SCYL2: variants seen among roughly 807,000 people sequenced by gnomAD.
The protein encoded by SCYL2 is SCY1 like pseudokinase 2.
Under a neutral mutation model 100.4 loss-of-function variants are expected in SCYL2, and 36 were observed. That is an observed-to-expected ratio of 0.36 (90% CI 0.27 to 0.47). SCYL2 has a LOEUF of 0.47. Among genes scored for constraint, SCYL2 ranks in the 20% least tolerant of loss-of-function variants. The probability of loss-of-function intolerance (pLI) is 1.00; values close to 1 mark genes in which losing one functional copy is unlikely to be tolerated. For missense variants in SCYL2, 902 were observed against 1,083.9 expected (o/e 0.83, Z 2.36); for synonymous variants, 330 against 359.2 (o/e 0.92, Z 0.92).
intron 1 of SCYL2, among the ~76,000 whole-genome samples, chr12:100,274,729 G>A: frequency 6.6e-6 from 1 of 152,204 alleles, no homozygotes; most frequent in East Asian, 1.9e-4. Flanking sequence ...GAACAAAGAA[G>A]TGGTTAAGGA....
Position 100,314,415 on chromosome 12 carries a change from T to G in SCYL2, c.970-74T>G, listed in dbSNP as rs2096346006. 2.7e-6 allele frequency: 3 copies of G among 1,095,228 alleles called. No homozygotes were observed. In the East Asian group the frequency reaches 7.9e-5, roughly 29 times the overall value. 67.8% of individuals were successfully genotyped at this position (1,095,228 alleles called of 1,614,324 possible). A position where few individuals can be genotyped will look rare whatever the true frequency, so the allele number is the denominator to read the frequency against. On this transcript the variant is annotated intron_variant, in intron 7 of 17. Transcript: ENST00000360820. ...GTTTCTGAGTATTTTTTTTACCATA[T>G]TGTGACAGTTTCAGATATGAGAAGT...
chr12:100,336,625 A>G (rs1472637201), intron 16 of SCYL2, among the ~76,000 whole-genome samples: 4 of 152,134 alleles, frequency 2.6e-5, no homozygotes, highest in African/African-American at 7.2e-5. Context: ...CAGACCAACA[A>G]TATTTTAAAG....
intron 3 of SCYL2, among the ~76,000 whole-genome samples, chr12:100,293,599 G>A (rs1427390645): frequency 2.6e-5 from 4 of 151,590 alleles, no homozygotes; most frequent in Non-Finnish European, 5.9e-5. Context: ...AGGGTCATAG[G>A]ACAATAGTGG....
At chr12:100,291,418 A>C in intron 2 of SCYL2, 85 bp from the exon 3 acceptor site, 1 of 911,532 alleles carries the variant, frequency 1.1e-6, no homozygotes, top group South Asian at 2.1e-5. Flanking sequence ...TTTTTATGGC[A>C]TAGTTATTTG....
rs772848283 is a variant in SCYL2 at position 100,283,034 on chromosome 12, G to T, written c.64G>T (p.Ala22Ser). The change falls in exon 2 of 18, where the codon GCT becomes TCT. Residue 22 changes from alanine to serine, a missense_variant. Transcript: ENST00000360820. ...VTKVTADVTS[A>S]VMGNPVTREF... is the part of the protein sequence containing the mutation. ...AAAAGTAACAGCTGATGTCACTAGT[G>T]CTGTAATGGGAAATCCTGTCACTAG... The T allele has an allele frequency of 4.3e-6, 7 of 1,613,148 alleles. No individual in the cohort carries two copies. The highest frequency in any genetic ancestry group is 5.9e-6 in the Non-Finnish European group (7 of 1,179,328).
intron 3 of SCYL2, among the ~76,000 whole-genome samples, chr12:100,294,679 T>G (rs867328744): frequency 2.2e-5 from 2 of 91,024 alleles, no homozygotes; most frequent in South Asian, 4.3e-4. Context: ...CCGGACGGGG[T>G]GGCTGGCCGG....
intron 4 of SCYL2, among the ~76,000 whole-genome samples, chr12:100,306,675 G>T (rs191833993): frequency 1.3e-5 from 2 of 152,210 alleles, no homozygotes; most frequent in African/African-American, 4.8e-5. Context: ...TGAAATAAAG[G>T]GTATTCAGAT....
At chr12:100,308,771 C>G (rs2096338032) in intron 4 of SCYL2, among the ~76,000 whole-genome samples, 1 of 152,142 alleles carries the variant, frequency 6.6e-6, no homozygotes, top group Non-Finnish European at 1.5e-5. Context: ...CCAGTTCTGA[C>G]CTCTGTGATG....
intron 4 of SCYL2, among the ~76,000 whole-genome samples, chr12:100,305,698 C>A (rs921491164): frequency 8.7e-5 from 12 of 137,930 alleles, no homozygotes; most frequent in African/African-American, 1.6e-4. Context: ...AAAAATAAAT[C>A]AGTGAATCTA....
At position 100,269,327 on chromosome 12, in the gene SCYL2, C is replaced by CT. The variant is rs200596986; in HGVS notation, c.-29+1542dup. Among the ~76,000 whole-genome samples, 844 of 151,944 alleles carry CT rather than the reference C, an allele frequency of 5.6e-3. 8 individuals carry two copies. The highest frequency in any genetic ancestry group is 0.019 in the African/African-American group (769 of 41,418). The stretch of plus-strand genomic sequence containing the variant: ...CTCTGCTTGGAAATGCCCTTCCTTT[C>CT]TTTTTTTAGCCAATTATGCCTATTC... On this transcript the variant is annotated intron_variant, in intron 1 of 17. Transcript: ENST00000360820.
chr12:100,301,803 C>T (rs1364963130), intron 4 of SCYL2, among the ~76,000 whole-genome samples: 1 of 152,170 alleles, frequency 6.6e-6, no homozygotes, highest in Non-Finnish European at 1.5e-5. Context: ...GACAAAGTTC[C>T]CTTTGCTTTT....
intron 4 of SCYL2, among the ~76,000 whole-genome samples, chr12:100,308,915 C>T (rs903894671): frequency 1.3e-5 from 2 of 152,168 alleles, no homozygotes; most frequent in African/African-American, 2.4e-5. Context: ...AGTCACTACA[C>T]TGTCCCCCAA....
chr12:100,298,127 T>G lies in SCYL2; in HGVS notation c.432T>G (p.Ile144Met). 6.2e-7 allele frequency: 1 copy of G among 1,601,286 alleles called. No homozygotes were observed. The highest frequency in any genetic ancestry group is 8.5e-7 in the Non-Finnish European group (1 of 1,171,794). Residue 144 changes from isoleucine (I) to methionine (M), a missense_variant, in exon 4 of 18, where the codon ATT becomes ATG. Physicochemically the swap from Ile to Met is conservative, Grantham distance 10. Transcript: ENST00000360820. ...ENLPSPISPDIKDYKLYDVET... is the reference protein window; with the variant it reads ...ENLPSPISPDMKDYKLYDVET... Reference sequence around the variant, plus strand: ...TACCTTCCCCTATATCTCCAGACATTAAGGATTATAAACTTTATGATGTAG... The same window carrying G: ...TACCTTCCCCTATATCTCCAGACATGAAGGATTATAAACTTTATGATGTAG...
chr12:100,312,467 A>G lies in SCYL2; in HGVS notation c.666A>G (p.Leu222=). Residue 222 remains leucine (L), a synonymous_variant, in exon 6 of 18, where the codon TTA becomes TTG. Transcript: ENST00000360820. The part of the protein sequence containing the change: ...KFPCKEWDPN[L]PSLCLPNPEY... Reference sequence around the variant, plus strand: ...CTTGTAAAGAATGGGACCCAAATTTACCTTCATTGTGTCTTCCAAATCCTG... The same window carrying G: ...CTTGTAAAGAATGGGACCCAAATTTGCCTTCATTGTGTCTTCCAAATCCTG... 6.2e-7 allele frequency: 1 copy of G among 1,613,142 alleles called. No homozygotes were observed. Among genetic ancestry groups the G allele is most frequent in the South Asian group, 1.1e-5 (1 of 91,020 alleles).
intron 10 of SCYL2, among the ~76,000 whole-genome samples, chr12:100,322,884 T>A (rs2096357714): frequency 6.8e-6 from 1 of 148,088 alleles, no homozygotes; most frequent in Admixed American, 6.7e-5. Flanking sequence ...AAAAATTAGC[T>A]GGGCATGATG....
At chr12:100,277,633 G>T (rs1367693958) in intron 1 of SCYL2, among the ~76,000 whole-genome samples, 1 of 151,998 alleles carries the variant, frequency 6.6e-6, no homozygotes, top group Admixed American at 6.5e-5. Flanking sequence ...ATATAGTTAG[G>T]TCTTGCTTTT....
Position 100,340,382 on chromosome 12 carries a change from A to G in SCYL2, c.*1210A>G, listed in dbSNP as rs1472416568. 1.3e-5 allele frequency: 2 copies of G among 152,150 alleles called. No individual in the cohort carries two copies. The highest frequency in any genetic ancestry group is 4.8e-5 in the African/African-American group (2 of 41,458). 9.4% of individuals were successfully genotyped at this position (152,150 alleles called of 1,614,324 possible). On this transcript the variant is annotated 3_prime_UTR_variant, in exon 18 of 18. Transcript: ENST00000360820. ...TCTTTAATTTGCTGATTATTCAACC[A>G]CAGAGCCTTATGCTATAAATGTCAT...
At chr12:100,308,708 A>G (rs1174731725) in intron 4 of SCYL2, among the ~76,000 whole-genome samples, 2 of 152,208 alleles carry the variant, frequency 1.3e-5, no homozygotes, top group Non-Finnish European at 2.9e-5. Context: ...TTTCAAGTTT[A>G]TCTAGGTCCC....
At chr12:100,333,180 G>T (rs1952233120) in intron 13 of SCYL2, among the ~76,000 whole-genome samples, 1 of 151,878 alleles carries the variant, frequency 6.6e-6, no homozygotes, top group East Asian at 1.9e-4. Context: ...GTCAATCATA[G>T]TAAACTGCTT....
Sources: gnomAD v4.1 joint callset for allele counts (sites outside exome capture counted in the v4.1 genomes callset) on GRCh38, gnomAD v4.1.1 for gene constraint, MANE v1.5 for transcripts, NCBI Gene and HGNC (gene_info 2026-07-23, HGNC 2026-07-21) for gene names.